Variants in ZCWPW2 observed in about 807,000 individuals in gnomAD.
ZCWPW2 encodes zinc finger CW-type and PWWP domain containing 2.
In ZCWPW2, 45 loss-of-function variants were observed where a neutral mutation model predicts 46.6. The observed-to-expected ratio is 0.96, with a 90% confidence interval of 0.76 to 1.24. The LOEUF (loss-of-function observed/expected upper bound fraction) is 1.24, where lower values mean the gene tolerates loss of function less well. Ranked by LOEUF, ZCWPW2 falls within the 50% of genes most tolerant of loss-of-function variation. The pLI, the probability that ZCWPW2 is intolerant of heterozygous loss-of-function variation, is 0.00. For synonymous variants in ZCWPW2, 152 were observed against 137.1 expected (o/e 1.11, Z -0.76); for missense variants, 429 against 403.9 (o/e 1.06, Z -0.53).
rs550256244 is a variant in ZCWPW2 at position 28,409,331 on chromosome 3, G to C, written c.-13-3725G>C. On this transcript the variant is annotated intron_variant, in intron 2 of 9. Transcript: ENST00000383768. ...GGCTGGGTTTCGCTATGTTGACCAG[G>C]CTGGTCTTGAACTCCTGACCTCAAA... 1.5e-4 allele frequency among the ~76,000 whole-genome samples: 23 copies of C among 151,954 alleles called. 2 individuals are homozygous for C. The East Asian group carries it at 4.4e-3, about 29-fold the overall frequency.
chr3:28,484,884 G>A (rs571023265), intron 5 of ZCWPW2, among the ~76,000 whole-genome samples: 1 of 152,004 alleles, frequency 6.6e-6, no homozygotes, highest in East Asian at 1.9e-4. Flanking sequence ...ATTTTTCTCT[G>A]TCTACTGTCT....
intron 1 of ZCWPW2, 115 bp downstream of exon 1, chr3:28,349,318 C>A: frequency 3.5e-6 from 2 of 565,068 alleles, no homozygotes; most frequent in Non-Finnish European, 4.5e-6. Flanking sequence ...CCGTGTGGTG[C>A]GTGCTGGCTC....
chr3:28,408,332 C>A (rs1696247469), intron 2 of ZCWPW2, among the ~76,000 whole-genome samples: 1 of 152,092 alleles, frequency 6.6e-6, no homozygotes, highest in Non-Finnish European at 1.5e-5. Flanking sequence ...TTATAGCAAC[C>A]CATTGGTTGC....
intron 1 of ZCWPW2, among the ~76,000 whole-genome samples, chr3:28,365,671 C>T (rs1705098311): frequency 1.4e-5 from 2 of 140,756 alleles, no homozygotes; most frequent in Non-Finnish European, 3.2e-5. Context: ...TAGTTTTCTC[C>T]AATTCTGTGA....
chr3:28,369,193 T>A (rs924534155), intron 1 of ZCWPW2, among the ~76,000 whole-genome samples: 1 of 152,230 alleles, frequency 6.6e-6, no homozygotes, highest in Non-Finnish European at 1.5e-5. Context: ...GTTGTTCCGT[T>A]GCTGGTGAGG....
chr3:28,381,744 C>T (rs980814069), intron 1 of ZCWPW2, among the ~76,000 whole-genome samples: 7 of 152,094 alleles, frequency 4.6e-5, no homozygotes, highest in African/African-American at 1.7e-4. Context: ...TATGATCCCA[C>T]CACTGCACCC....
chr3:28,388,655 TAATAA>T (rs142331575), intron 1 of ZCWPW2, among the ~76,000 whole-genome samples: 1,608 of 152,298 alleles, frequency 0.011, 24 homozygotes, highest in African/African-American at 0.037. Flanking sequence ...CATATATTCA[TAATAA>T]AATAAGGAAG....
intron 1 of ZCWPW2, among the ~76,000 whole-genome samples, chr3:28,387,173 C>T (rs1695310128): frequency 6.6e-6 from 1 of 152,146 alleles, no homozygotes; most frequent in African/African-American, 2.4e-5. Context: ...CCAGATCCCT[C>T]CAATATTCAC....
chr3:28,391,323 G>A (rs947498269), intron 2 of ZCWPW2, among the ~76,000 whole-genome samples: 1 of 147,570 alleles, frequency 6.8e-6, no homozygotes, highest in African/African-American at 2.5e-5. Context: ...CATGATTCCA[G>A]CCTTCAGTTC....
intron 2 of ZCWPW2, among the ~76,000 whole-genome samples, chr3:28,395,881 G>C (rs562959599): frequency 2.0e-5 from 3 of 151,928 alleles, no homozygotes; most frequent in Non-Finnish European, 2.9e-5. Flanking sequence ...AAAATATTAG[G>C]TCTTAATTTT....
At chr3:28,513,615 C>T (rs1700485153) in intron 6 of ZCWPW2, among the ~76,000 whole-genome samples, 1 of 152,090 alleles carries the variant, frequency 6.6e-6, no homozygotes, top group Non-Finnish European at 1.5e-5. Flanking sequence ...ACATGAAAAG[C>T]CCAGCTCAAA....
At chr3:28,459,119 C>T (rs1454141135) in intron 4 of ZCWPW2, among the ~76,000 whole-genome samples, 2 of 152,026 alleles carry the variant, frequency 1.3e-5, no homozygotes, top group Non-Finnish European at 2.9e-5. Flanking sequence ...GCCTGTAATC[C>T]CAGCACTTTG....
intron 1 of ZCWPW2, among the ~76,000 whole-genome samples, chr3:28,386,334 A>G (rs1695272377): frequency 1.3e-5 from 2 of 152,200 alleles, no homozygotes; most frequent in Non-Finnish European, 2.9e-5. Flanking sequence ...AGCCCTCACC[A>G]GAAACAAAAT....
At chr3:28,468,757 C>G (rs1449601933) in intron 4 of ZCWPW2, among the ~76,000 whole-genome samples, 1 of 151,968 alleles carries the variant, frequency 6.6e-6, no homozygotes, top group Non-Finnish European at 1.5e-5. Flanking sequence ...AAAGATTTTC[C>G]CAGACAAACA....
rs114717436 is a variant in ZCWPW2 at position 28,409,036 on chromosome 3, A to G, written c.-13-4020A>G. ...TTATTTGATCATTGGTTAACTACTT[A>G]GATAAAAAGTAGAGTCTTCCATCTT... On this transcript the variant is annotated intron_variant, in intron 2 of 9. Transcript: ENST00000383768. 6.6e-3 allele frequency among the ~76,000 whole-genome samples: 1,008 copies of G among 152,146 alleles called. 4 individuals carry two copies. The highest frequency in any genetic ancestry group is 0.011 in the Admixed American group (164 of 15,268).
At chr3:28,503,235 A>G (rs1700195866) in intron 6 of ZCWPW2, among the ~76,000 whole-genome samples, 1 of 152,176 alleles carries the variant, frequency 6.6e-6, no homozygotes. Context: ...TTTTTAAGAA[A>G]CAAAATCTTC....
At chr3:28,367,504 G>T (rs1426533308) in intron 1 of ZCWPW2, among the ~76,000 whole-genome samples, 1 of 152,214 alleles carries the variant, frequency 6.6e-6, no homozygotes, top group East Asian at 1.9e-4. Flanking sequence ...ACTGTCGTCT[G>T]AGAGACAGTT....
chr3:28,478,188 C>A, intron 4 of ZCWPW2: 1 of 174,406 alleles, frequency 5.7e-6, no homozygotes, highest in Non-Finnish European at 1.3e-5. Flanking sequence ...AATTTGTATG[C>A]ATATGTTAAT....
intron 1 of ZCWPW2, among the ~76,000 whole-genome samples, chr3:28,366,731 C>T (rs201022376): frequency 0.023 from 3,518 of 152,184 alleles, 74 homozygotes; most frequent in South Asian, 0.086. Flanking sequence ...CCAGCTCCTC[C>T]TTGTACCTCT....
Sources: allele counts gnomAD v4.1 joint callset (sites outside exome capture counted in the v4.1 genomes callset), GRCh38; gene constraint gnomAD v4.1.1; transcripts MANE v1.5; gene names NCBI Gene and HGNC (gene_info 2026-07-23, HGNC 2026-07-21).